SBF2: variants seen among roughly 807,000 people sequenced by gnomAD.
SBF2 encodes SET binding factor 2.
SBF2 carries 112 observed loss-of-function variants against 225.2 expected under a neutral mutation model. The ratio of observed to expected loss-of-function variants is 0.50; its 90% CI spans 0.43 to 0.58. The LOEUF is 0.58. Among genes scored for constraint, SBF2 ranks in the 20% least tolerant of loss-of-function variants. SBF2 has a pLI of 0.00. For missense variants in SBF2, 1,996 were observed against 2,206.2 expected, an observed-to-expected ratio of 0.90 and a Z score of 1.91; for synonymous variants, 763 against 773.3, an observed-to-expected ratio of 0.99 and a Z score of 0.22.
chr11:10,108,777 G>GA (rs1185194919), intron 2 of SBF2, among the ~76,000 whole-genome samples: 1 of 152,094 alleles, frequency 6.6e-6, no homozygotes, highest in African/African-American at 2.4e-5. Flanking sequence ...GCCCGCCTCT[G>GA]CCTCCCAAAG....
intron 1 of SBF2, among the ~76,000 whole-genome samples, chr11:10,275,998 A>T (rs1253317599): frequency 6.6e-6 from 1 of 152,166 alleles, no homozygotes; most frequent in Admixed American, 6.5e-5. Context: ...AAAGCATTAA[A>T]TTCAAGAAGC....
intron 2 of SBF2, among the ~76,000 whole-genome samples, chr11:10,124,958 A>C (rs1953676308): frequency 6.6e-6 from 1 of 151,940 alleles, no homozygotes; most frequent in South Asian, 2.1e-4. Context: ...TACAAAAATT[A>C]GCCGGGCGTG....
At chr11:10,076,250 G>A (rs960006914) in intron 2 of SBF2, among the ~76,000 whole-genome samples, 3 of 152,198 alleles carry the variant, frequency 2.0e-5, no homozygotes, top group Non-Finnish European at 4.4e-5. Context: ...CAGGGAGACT[G>A]TAAGAAGGAA....
At chr11:9,903,530 G>A (rs1242904710) in intron 16 of SBF2, among the ~76,000 whole-genome samples, 1 of 152,142 alleles carries the variant, frequency 6.6e-6, no homozygotes, top group Non-Finnish European at 1.5e-5. Context: ...TTGGACTGAG[G>A]GGCATAAGGC....
chr11:10,025,067 G>C (rs555844965), intron 6 of SBF2, among the ~76,000 whole-genome samples: 1 of 151,956 alleles, frequency 6.6e-6, no homozygotes. Context: ...ATTGTCTATG[G>C]TTTCTTTTGC....
intron 1 of SBF2, among the ~76,000 whole-genome samples, chr11:10,202,149 A>G (rs1044993943): frequency 2.0e-5 from 3 of 152,252 alleles, no homozygotes; most frequent in Non-Finnish European, 4.4e-5. Flanking sequence ...TTTAACAGCA[A>G]TGAAGAAAGA....
intron 13 of SBF2, among the ~76,000 whole-genome samples, chr11:9,974,655 C>CAA (rs756406933): frequency 0.016 from 1,527 of 98,390 alleles, 32 homozygotes; most frequent in African/African-American, 0.053. Context: ...CAACACCGCC[C>CAA]AAAAAAAAAA....
At chr11:10,227,399 GCC>G (rs1198681500) in intron 1 of SBF2, among the ~76,000 whole-genome samples, 2 of 152,138 alleles carry the variant, frequency 1.3e-5, no homozygotes, top group Non-Finnish European at 2.9e-5. Context: ...CCTTGCCCAT[GCC>G]TATGTCCTGA....
intron 19 of SBF2, among the ~76,000 whole-genome samples, chr11:9,854,709 C>A (rs1857193431): frequency 6.6e-6 from 1 of 152,172 alleles, no homozygotes; most frequent in African/African-American, 2.4e-5. Context: ...TCTCCAGCCT[C>A]AGCCTCTCAA....
intron 35 of SBF2, chr11:9,788,095 A>G (rs773562405): frequency 3.1e-6 from 1 of 325,570 alleles, no homozygotes; most frequent in Non-Finnish European, 5.9e-6. Flanking sequence ...GCCCAGCCCT[A>G]ATAGCTGAGG....
At chr11:9,839,226 G>T (rs1379209765) in intron 26 of SBF2, 2 of 448,326 alleles carry the variant, frequency 4.5e-6, no homozygotes, top group Non-Finnish European at 8.2e-6. Context: ...CTTTAGTCAT[G>T]CTAGAAAAGA....
At chr11:9,948,851 A>G (rs553281876) in intron 16 of SBF2, among the ~76,000 whole-genome samples, 1 of 152,162 alleles carries the variant, frequency 6.6e-6, no homozygotes, top group Non-Finnish European at 1.5e-5. Flanking sequence ...ACTCACTTCT[A>G]TATCTGTGAA....
chr11:9,917,477 A>G (rs1025027216), intron 16 of SBF2, among the ~76,000 whole-genome samples: 2 of 151,414 alleles, frequency 1.3e-5, no homozygotes, highest in Non-Finnish European at 2.9e-5. Context: ...GATTACAGGC[A>G]CACACCACCA....
intron 2 of SBF2, among the ~76,000 whole-genome samples, chr11:10,117,161 C>T (rs970611000): frequency 2.0e-5 from 3 of 152,116 alleles, no homozygotes; most frequent in Non-Finnish European, 4.4e-5. Flanking sequence ...ATGTATCAGG[C>T]CGGGCGTGGT....
chr11:9,988,601 T>C (rs540277795), intron 13 of SBF2, among the ~76,000 whole-genome samples: 1 of 152,020 alleles, frequency 6.6e-6, no homozygotes, highest in Non-Finnish European at 1.5e-5. Flanking sequence ...AGGACACGAA[T>C]AGACAATTCT....
intron 2 of SBF2, among the ~76,000 whole-genome samples, chr11:10,071,343 G>A (rs1039010208): frequency 1.4e-5 from 2 of 142,472 alleles, no homozygotes; most frequent in South Asian, 2.2e-4. Flanking sequence ...CTGAGCTCAC[G>A]GCAAGCTCTG....
chr11:9,913,947 C>T (rs1862862427), intron 16 of SBF2, among the ~76,000 whole-genome samples: 1 of 152,238 alleles, frequency 6.6e-6, no homozygotes, highest in Non-Finnish European at 1.5e-5. Flanking sequence ...AGCCATCCAC[C>T]TGCTCTGGAC....
intron 2 of SBF2, among the ~76,000 whole-genome samples, chr11:10,182,158 A>C (rs1956761583): frequency 6.6e-6 from 1 of 152,234 alleles, no homozygotes; most frequent in Admixed American, 6.5e-5. Flanking sequence ...AGATGTAAAC[A>C]TATTTCGTAC....
At chr11:10,058,043 C>T (rs1021576726) in intron 2 of SBF2, among the ~76,000 whole-genome samples, 5 of 152,158 alleles carry the variant, frequency 3.3e-5, no homozygotes, top group African/African-American at 9.7e-5. Flanking sequence ...TAAAGAAACA[C>T]CCACACACAG....
Sources: gnomAD v4.1 joint callset for allele counts (sites outside exome capture counted in the v4.1 genomes callset) on GRCh38, gnomAD v4.1.1 for gene constraint, MANE v1.5 for transcripts, NCBI Gene and HGNC (gene_info 2026-07-23, HGNC 2026-07-21) for gene names.